C1orf198: variants seen among roughly 807,000 people sequenced by gnomAD.
C1orf198 encodes chromosome 1 open reading frame 198.
A neutral mutation model predicts 31.4 loss-of-function variants in C1orf198; 17 were observed. That is an observed-to-expected ratio of 0.54 (90% CI 0.37 to 0.81). The LOEUF (loss-of-function observed/expected upper bound fraction) is 0.81, where lower values mean the gene tolerates loss of function less well. Ranked by LOEUF, C1orf198 falls within the 40% of genes least tolerant of loss-of-function variation. The pLI, the probability that C1orf198 is intolerant of heterozygous loss-of-function variation, is 0.00. For missense variants in C1orf198, 401 were observed against 450.3 expected, an observed-to-expected ratio of 0.89 and a Z score of 0.99; for synonymous variants, 175 against 193.8, an observed-to-expected ratio of 0.90 and a Z score of 0.81.
At chr1:230,842,260 T>C (rs1293789769) in intron 3 of C1orf198, among the ~76,000 whole-genome samples, 3 of 152,208 alleles carry the variant, frequency 2.0e-5, no homozygotes, top group Admixed American at 1.3e-4. Context: ...ACCAAATTTA[T>C]ACTGTAAAAT....
Position 230,843,430 on chromosome 1 carries a change from T to A in C1orf198, c.851A>T (p.Glu284Val). 1 of 1,587,458 alleles carries A rather than the reference T, an allele frequency of 6.3e-7. No homozygotes were observed. Among genetic ancestry groups the A allele is most frequent in the Non-Finnish European group, 8.6e-7 (1 of 1,166,500 alleles). Reference protein sequence around the residue: ...ALHEAAPSQLEGKLPSPDVRQ... With the variant: ...ALHEAAPSQLVGKLPSPDVRQ... ...GACATCAGGAGATGGCAGCTTCCCC[T>A]CGAGCTGGGAGGGGGCAGCCTCGTG... Residue 284 changes from glutamate to valine, a missense_variant, in exon 3 of 4, where the codon GAG becomes GTG. By Grantham distance (121) the Glu-to-Val change is moderately radical. Transcript: ENST00000366663. The surrounding 1 kb of genome is among the most constrained non-coding windows in gnomAD (Gnocchi z 4.9).
At chr1:230,868,563 G>T, upstream of C1orf198, 2 of 1,002,466 alleles carry the variant, frequency 2.0e-6, no homozygotes, top group Non-Finnish European at 2.3e-6. Flanking sequence ...CGCTGTGCCC[G>T]CCCTCGCCCC....
chr1:230,860,321 A>G (rs28617659), intron 1 of C1orf198, among the ~76,000 whole-genome samples: 2,096 of 152,282 alleles, frequency 0.014, 43 homozygotes, highest in African/African-American at 0.048. Context: ...AAAATTACAC[A>G]TACAATTACC....
chr1:230,856,861 T>C (rs1281780945), intron 1 of C1orf198, among the ~76,000 whole-genome samples: 2 of 152,186 alleles, frequency 1.3e-5, no homozygotes, highest in Non-Finnish European at 2.9e-5. Context: ...TTCCCACCCA[T>C]AGGTACACCG....
In C1orf198 at chr1:230,868,194, G is replaced by T; in HGVS notation, c.319C>A (p.Arg107Ser). The stretch of plus-strand genomic sequence containing the variant: ...CCCGCACCTACCTCGTCCCCGAAGC[G>T]CACCACCTTCTGGCCCGTGGGCCCG... ...LRGPTGQKVVRFGDEDLTWQD... is the reference protein window; with the variant it reads ...LRGPTGQKVVSFGDEDLTWQD... Residue 107 changes from arginine (R) to serine (S), a missense_variant, in exon 1 of 4, where the codon CGC becomes AGC. Arg to Ser is a moderately radical substitution (Grantham distance 110). Transcript: ENST00000366663. 6 of 1,508,772 alleles carry T rather than the reference G, an allele frequency of 4.0e-6. No individual in the cohort carries two copies. Among genetic ancestry groups the T allele is most frequent in the Non-Finnish European group, 3.5e-6 (4 of 1,131,334 alleles). The allele number at this position is 1,508,772 out of a possible 1,614,324, so 93.5% of individuals were successfully genotyped here.
At position 230,840,214 on chromosome 1, in the gene C1orf198, T is replaced by G. The variant is rs2102969624; in HGVS notation, c.928-306A>C. Among the ~76,000 whole-genome samples the G allele has an allele frequency of 6.6e-6, 1 of 152,362 alleles. No individual in the cohort carries two copies. The highest frequency in any genetic ancestry group is 2.1e-4 in the South Asian group (1 of 4,828). On this transcript the variant is annotated intron_variant, in intron 3 of 3. Transcript: ENST00000366663. The surrounding 1 kb of genome is among the most constrained non-coding windows in gnomAD (Gnocchi z 4.0). Reference sequence around the variant, plus strand: ...TTTTTCTATAAATCTTTTCTGTTTCTGAATGACAGCCATGTTTAAATTTAT... The same window carrying G: ...TTTTTCTATAAATCTTTTCTGTTTCGGAATGACAGCCATGTTTAAATTTAT...
chr1:230,847,991 G>T (rs906619261), intron 2 of C1orf198, among the ~76,000 whole-genome samples: 1 of 152,210 alleles, frequency 6.6e-6, no homozygotes, highest in African/African-American at 2.4e-5. Flanking sequence ...GGATGCTGGG[G>T]GGAAACGCCA....
chr1:230,853,385 T>C (rs1023470098), intron 2 of C1orf198, among the ~76,000 whole-genome samples: 1 of 151,982 alleles, frequency 6.6e-6, no homozygotes, highest in African/African-American at 2.4e-5. Flanking sequence ...CCAATGAAGA[T>C]CTTATAAGCC....
chr1:230,859,265 T>C (rs1186094726), intron 1 of C1orf198, among the ~76,000 whole-genome samples: 1 of 152,126 alleles, frequency 6.6e-6, no homozygotes, highest in Non-Finnish European at 1.5e-5. Context: ...TCTACTCCCA[T>C]GGTGACCAGC....
At chr1:230,868,591 GC>G, upstream of C1orf198, 1 of 1,051,864 alleles carries the variant, frequency 9.5e-7, no homozygotes, top group Non-Finnish European at 1.2e-6. Flanking sequence ...GCCACCCGGA[GC>G]CCCGCCCCCT....
At chr1:230,861,897 TC>T (rs1219255786) in intron 1 of C1orf198, among the ~76,000 whole-genome samples, 1 of 152,326 alleles carries the variant, frequency 6.6e-6, no homozygotes, top group East Asian at 1.9e-4. Context: ...GTCATCGTCT[TC>T]CTGAAATCCA....
chr1:230,868,324 G>T lies in C1orf198; in HGVS notation c.189C>A (p.Pro63=), dbSNP rs1362024515. The T allele has an allele frequency of 6.3e-7, 1 of 1,595,988 alleles. No individual in the cohort carries two copies. Among genetic ancestry groups the T allele is most frequent in the Non-Finnish European group, 8.5e-7 (1 of 1,172,224 alleles). Residue 63 remains proline, a synonymous_variant, in exon 1 of 4, where the codon CCC becomes CCA. Transcript: ENST00000366663. The stretch of plus-strand genomic sequence containing the variant: ...GGTCGATGATCTCGTCCTGCTGCGC[G>T]GGCGGCAGCCGCGCCCACTCGGGCC... ...KYGPEWARLP[P]AQQDEIIDRC...
intron 1 of C1orf198, 125 bp from the exon 2 acceptor site, chr1:230,855,843 C>T (rs1233740704): frequency 6.7e-7 from 1 of 1,497,538 alleles, no homozygotes; most frequent in African/African-American, 1.4e-5. Context: ...CTAAACAAGC[C>T]TGATGCTTTG....
At position 230,843,379 on chromosome 1, in the gene C1orf198, A is replaced by G; in HGVS notation, c.902T>C (p.Leu301Pro). 6.4e-7 allele frequency: 1 copy of G among 1,558,386 alleles called. No individual in the cohort carries two copies. Among genetic ancestry groups the G allele is most frequent in the South Asian group, 1.2e-5 (1 of 84,818 alleles). The change falls in exon 3 of 4, where the codon CTG becomes CCG. Residue 301 changes from leucine (L) to proline (P), a missense_variant. By Grantham distance (98) the Leu-to-Pro change is moderately conservative. Coordinates refer to ENST00000366663, the MANE Select transcript of C1orf198 (RefSeq NM_032800.3). This position sits in a 1 kb window ranked among gnomAD's most constrained non-coding sequence, Gnocchi z 4.9. ...DVRQDDGEDT[L>P]FSEPKFAQVS... The stretch of plus-strand genomic sequence containing the variant: ...CTGTGCAAACTTGGGTTCCGAGAAC[A>G]GGGTGTCTTCCCCATCGTCCTGCCT...
At position 230,843,379 on chromosome 1, in the gene C1orf198, A is replaced by C. The variant is rs1203194509; in HGVS notation, c.902T>G (p.Leu301Arg). 2 of 1,558,268 alleles carry C rather than the reference A, an allele frequency of 1.3e-6. No homozygotes were observed. Among genetic ancestry groups the C allele is most frequent in the Non-Finnish European group, 1.7e-6 (2 of 1,150,666 alleles). Residue 301 changes from leucine to arginine, a missense_variant, in exon 3 of 4, where the codon CTG becomes CGG. Coordinates refer to ENST00000366663, the MANE Select transcript of C1orf198 (RefSeq NM_032800.3). The surrounding 1 kb of genome is among the most constrained non-coding windows in gnomAD (Gnocchi z 4.9). ...CTGTGCAAACTTGGGTTCCGAGAAC[A>C]GGGTGTCTTCCCCATCGTCCTGCCT... ...DVRQDDGEDT[L>R]FSEPKFAQVS...
At chr1:230,859,660 G>A (rs1378616253) in intron 1 of C1orf198, among the ~76,000 whole-genome samples, 3 of 152,142 alleles carry the variant, frequency 2.0e-5, no homozygotes, top group African/African-American at 7.2e-5. Context: ...TCAGAGGCCA[G>A]CGCTACATGT....
At chr1:230,851,870 G>A (rs1669754751) in intron 2 of C1orf198, among the ~76,000 whole-genome samples, 1 of 152,252 alleles carries the variant, frequency 6.6e-6, no homozygotes, top group South Asian at 2.1e-4. Context: ...AAGCACAACC[G>A]CAGCTCATTC....
intron 1 of C1orf198, among the ~76,000 whole-genome samples, chr1:230,865,646 A>G (rs1670102440): frequency 6.6e-6 from 1 of 152,244 alleles, no homozygotes; most frequent in Non-Finnish European, 1.5e-5. Context: ...GCCTCAGGCC[A>G]AGGGATGAGG....
In C1orf198 at chr1:230,840,155, C is replaced by G. The variant is rs1669403251; in HGVS notation, c.928-247G>C. 6.6e-6 allele frequency among the ~76,000 whole-genome samples: 1 copy of G among 152,224 alleles called. No individual in the cohort carries two copies. Among genetic ancestry groups the G allele is most frequent in the Non-Finnish European group, 1.5e-5 (1 of 68,046 alleles). The stretch of plus-strand genomic sequence containing the variant: ...CCCAGGCATGTCTGTGAGCAGCTTA[C>G]AGACCTTACAGAGAAAAGAACAATG... On this transcript the variant is annotated intron_variant, in intron 3 of 3. Coordinates refer to ENST00000366663, the MANE Select transcript of C1orf198 (RefSeq NM_032800.3). This position sits in a 1 kb window ranked among gnomAD's most constrained non-coding sequence, Gnocchi z 4.0.
Sources: allele counts gnomAD v4.1 joint callset (sites outside exome capture counted in the v4.1 genomes callset), GRCh38; gene constraint gnomAD v4.1.1; non-coding constraint Gnocchi (gnomAD v3.1); transcripts MANE v1.5; gene names NCBI Gene and HGNC (gene_info 2026-07-23, HGNC 2026-07-21).